Variants in CC2D1B observed in about 807,000 individuals in gnomAD.
The protein encoded by CC2D1B is coiled-coil and C2 domain containing 1B.
A neutral mutation model predicts 110.8 loss-of-function variants in CC2D1B; 92 were observed. That is an observed-to-expected ratio of 0.83 (90% CI 0.70 to 0.99). The LOEUF (loss-of-function observed/expected upper bound fraction) is 0.99. CC2D1B is among the 50% of genes least tolerant of loss of function. The pLI, the probability that CC2D1B is intolerant of heterozygous loss-of-function variation, is 0.00. For missense variants in CC2D1B, 1,136 were observed against 1,089.0 expected (o/e 1.04, Z -0.61); for synonymous variants, 406 against 429.2 (o/e 0.95, Z 0.67).
intron 16 of CC2D1B, 28 bp from the exon 17 acceptor site, chr1:52,356,470 C>G: frequency 6.2e-7 from 1 of 1,613,712 alleles, no homozygotes; most frequent in South Asian, 1.1e-5. Context: ...GAGTGACTCC[C>G]GAGCCCAGAG....
Position 52,361,129 on chromosome 1 carries a change from C to G in CC2D1B, c.322G>C (p.Glu108Gln), listed in dbSNP as rs1228616479. 1.7e-5 allele frequency: 28 copies of G among 1,613,946 alleles called. No homozygotes were observed. The highest frequency in any genetic ancestry group is 2.4e-5 in the Non-Finnish European group (28 of 1,179,988). The change falls in exon 5 of 25, where the codon GAG becomes CAG. Residue 108 changes from glutamate to glutamine, a missense_variant. Transcript: ENST00000284376. ...TCCACACCTAAGACCTCCTGCAGCT[C>G]CGTCTAGGGAGACAAAACACAGCCC... Reference protein sequence around the residue: ...GLEEDAELLTELQEVLGVDEE... With the variant: ...GLEEDAELLTQLQEVLGVDEE...
At position 52,351,909 on chromosome 1, in the gene CC2D1B, G is replaced by C. The variant is rs1234244635; in HGVS notation, c.*1316C>G. 1 of 149,446 alleles carries C rather than the reference G, an allele frequency of 6.7e-6. No individual in the cohort carries two copies. Among genetic ancestry groups the C allele is most frequent in the South Asian group, 2.1e-4 (1 of 4,714 alleles). The allele number at this position is 149,446 out of a possible 1,614,324, so 9.3% of individuals were successfully genotyped here. On this transcript the variant is annotated 3_prime_UTR_variant, in exon 25 of 25. Coordinates refer to ENST00000284376, the MANE Select transcript of CC2D1B (RefSeq NM_001330585.2). ...AAAAAAAAAAAAAAAAAAAAAATCG[G>C]CCAGAGGGCTCATGGGGAAAAAAGT... is the stretch of plus-strand genomic sequence containing the variant.
rs1569859196 is a variant in CC2D1B at position 52,360,315 on chromosome 1, CA to C, written c.604-83del. On this transcript the variant is annotated intron_variant, in intron 6 of 24. Coordinates refer to ENST00000284376, the MANE Select transcript of CC2D1B (RefSeq NM_001330585.2). The stretch of plus-strand genomic sequence containing the variant: ...CCAAGACAGGCCAGGGGTGGCCCCC[CA>C]ACCCCCAAAGTCTGGTGGGGTGACC... 2.6e-5 allele frequency: 42 copies of C among 1,596,256 alleles called. No individual in the cohort carries two copies. In the East Asian group the frequency reaches 9.4e-4, roughly 36 times the overall value.
rs756043826 is a variant in CC2D1B at position 52,358,464 on chromosome 1, G to C, written c.1331-3C>G. The C allele has an allele frequency of 1.4e-5, 23 of 1,613,394 alleles. No homozygotes were observed. The highest frequency in any genetic ancestry group is 1.9e-5 in the Non-Finnish European group (22 of 1,179,978). On this transcript the variant is annotated splice_polypyrimidine_tract_variant and splice_region_variant and intron_variant, in intron 12 of 24. Coordinates refer to ENST00000284376, the MANE Select transcript of CC2D1B (RefSeq NM_001330585.2). Reference sequence around the variant, plus strand: ...CAGGCCAGGGATGGGGGGAAATCCTGTGGGAGAGAGACAGCATGGGAGGGG... The same window carrying C: ...CAGGCCAGGGATGGGGGGAAATCCTCTGGGAGAGAGACAGCATGGGAGGGG...
intron 13 of CC2D1B, chr1:52,358,108 A>AG (rs1256383729): frequency 6.8e-6 from 6 of 878,844 alleles, no homozygotes; most frequent in Non-Finnish European, 8.4e-6. Context: ...GAGAGACTGC[A>AG]GGGTAATGGG....
At chr1:52,354,167 G>A (rs966599139) in intron 23 of CC2D1B, among the ~76,000 whole-genome samples, 1 of 152,180 alleles carries the variant, frequency 6.6e-6, no homozygotes, top group South Asian at 2.1e-4. Context: ...AGAGACCAGG[G>A]CCCGCATAAG....
At chr1:52,354,163 C>G (rs1229680502) in intron 23 of CC2D1B, among the ~76,000 whole-genome samples, 1 of 152,180 alleles carries the variant, frequency 6.6e-6, no homozygotes, top group African/African-American at 2.4e-5. Flanking sequence ...CAATAGAGAC[C>G]AGGGCCCGCA....
chr1:52,355,957 AGCTGGTAT>A, intron 18 of CC2D1B, 113 bp from the exon 19 acceptor site: 1 of 1,113,138 alleles, frequency 9.0e-7, no homozygotes, highest in Non-Finnish European at 1.4e-6. Context: ...GGGAAGGCAG[AGCTGGTAT>A]GCAGACCTTG....
Position 52,359,515 on chromosome 1 carries a change from T to A in CC2D1B, c.962A>T (p.Glu321Val). The change falls in exon 9 of 25, where the codon GAG becomes GTG. Residue 321 changes from glutamate (E) to valine (V), a missense_variant. Transcript: ENST00000284376. ...RIGKRFGAVL[E>V]ALEKGQPVDL... ...CACGGGCTGCCCCTTCTCCAGGGCCTCCAGGACAGCACCGAATCTCTGCAG... is the reference window on the plus strand; with the variant it reads ...CACGGGCTGCCCCTTCTCCAGGGCCACCAGGACAGCACCGAATCTCTGCAG... 11 of 1,614,022 alleles carry A rather than the reference T, an allele frequency of 6.8e-6. No homozygotes were observed. Among genetic ancestry groups the A allele is most frequent in the Non-Finnish European group, 9.3e-6 (11 of 1,180,012 alleles).
rs746082693 is a variant in CC2D1B, at chr1:52,359,373, T to A, written c.1019-16A>T. 1.6e-5 allele frequency: 26 copies of A among 1,612,078 alleles called. No individual in the cohort carries two copies. The highest frequency in any genetic ancestry group is 2.0e-5 in the Non-Finnish European group (24 of 1,178,750). On this transcript the variant is annotated splice_polypyrimidine_tract_variant and intron_variant, in intron 9 of 24. Transcript: ENST00000284376. ...GGCTTCAGATCTGGGGGACCCAGAG[T>A]AGAGGTGTAGGTGGGAGGGCCTGGC...
At position 52,355,331 on chromosome 1, in the gene CC2D1B, C is replaced by A. The variant is rs1003636744; in HGVS notation, c.2239+67G>T. The stretch of plus-strand genomic sequence containing the variant: ...AAGTAAGGGCATAGATGGGAACCCA[C>A]TCTGGAAACACCAGTGCTGCCCACA... On this transcript the variant is annotated intron_variant, in intron 21 of 24. Coordinates refer to ENST00000284376, the MANE Select transcript of CC2D1B (RefSeq NM_001330585.2). 13 of 1,545,874 alleles carry A rather than the reference C, an allele frequency of 8.4e-6. No individual in the cohort carries two copies. In the African/African-American group the frequency reaches 1.4e-4, roughly 16 times the overall value.
In CC2D1B at chr1:52,355,591, T is replaced by C; in HGVS notation, c.2187+17A>G. On this transcript the variant is annotated intron_variant, in intron 20 of 24. Coordinates refer to ENST00000284376, the MANE Select transcript of CC2D1B (RefSeq NM_001330585.2). ...CAAGGCGGGTTTCAGAGGATCCTAC[T>C]TCTACCTGAACCTCACCGAGTTAGG... The C allele has an allele frequency of 6.2e-7, 1 of 1,613,988 alleles. No homozygotes were observed. Among genetic ancestry groups the C allele is most frequent in the Non-Finnish European group, 8.5e-7 (1 of 1,179,850 alleles).
At chr1:52,363,055 G>C (rs1646815691) in intron 2 of CC2D1B, among the ~76,000 whole-genome samples, 1 of 152,208 alleles carries the variant, frequency 6.6e-6, no homozygotes, top group South Asian at 2.1e-4. Flanking sequence ...CGTTCTATGT[G>C]ATTATCTTAA....
In CC2D1B at chr1:52,359,552, G is replaced by T; in HGVS notation, c.943-18C>A. The T allele has an allele frequency of 6.2e-7, 1 of 1,612,464 alleles. No individual in the cohort carries two copies. Among genetic ancestry groups the T allele is most frequent in the African/African-American group, 1.3e-5 (1 of 75,056 alleles). On this transcript the variant is annotated intron_variant, in intron 8 of 24. Coordinates refer to ENST00000284376, the MANE Select transcript of CC2D1B (RefSeq NM_001330585.2). ...CCGAATCTCTGCAGAAGTTGGAAAA[G>T]CAGGTGTGGGTGAAAGACAGGGGAC...
intron 17 of CC2D1B, 34 bp from the exon 18 acceptor site, chr1:52,356,336 A>C (rs1277842196): frequency 1.2e-6 from 2 of 1,613,774 alleles, no homozygotes; most frequent in South Asian, 1.1e-5. Context: ...ATGATGGTGG[A>C]TTTTCTGCTC....
Position 52,355,858 on chromosome 1 carries a change from G to C in CC2D1B, c.2055-14C>G, listed in dbSNP as rs772075326. Reference sequence around the variant, plus strand: ...TCTGAGAAGATCCTAGAGCCAAGCGGGAAGGAGAAAATGCTCAAAAGTGAA... The same window carrying C: ...TCTGAGAAGATCCTAGAGCCAAGCGCGAAGGAGAAAATGCTCAAAAGTGAA... On this transcript the variant is annotated splice_polypyrimidine_tract_variant and intron_variant, in intron 18 of 24. Transcript: ENST00000284376. 6 of 1,613,848 alleles carry C rather than the reference G, an allele frequency of 3.7e-6. No individual in the cohort carries two copies. In the Admixed American group the frequency reaches 1.0e-4, roughly 27 times the overall value.
intron 18 of CC2D1B, 64 bp downstream of exon 18, chr1:52,356,122 G>A (rs1026019590): frequency 3.1e-5 from 43 of 1,404,178 alleles, no homozygotes; most frequent in Non-Finnish European, 4.1e-5. Flanking sequence ...AGCAGTCTCT[G>A]GCCTGGGCTC....
At position 52,362,705 on chromosome 1, in the gene CC2D1B, C is replaced by T. The variant is rs1646809063; in HGVS notation, c.111G>A (p.Leu37=). ...CATCATCTTCAGCCTCATCCATGCC[C>T]AGCAGCATGTCCTCAGGGCCAAACT... ...FMEFGPEDML[L]GMDEAEDDED... is the part of the protein sequence containing the mutation. Residue 37 remains leucine (L), a synonymous_variant, in exon 3 of 25, where the codon CTG becomes CTA. Transcript: ENST00000284376. The T allele has an allele frequency of 1.2e-6, 2 of 1,614,148 alleles. No homozygotes were observed. The highest frequency in any genetic ancestry group is 1.7e-6 in the Non-Finnish European group (2 of 1,180,028).
chr1:52,353,612 C>T lies in CC2D1B; in HGVS notation c.2466G>A (p.Leu822=). 1 of 1,611,744 alleles carries T rather than the reference C, an allele frequency of 6.2e-7. No homozygotes were observed. Among genetic ancestry groups the T allele is most frequent in the Non-Finnish European group, 8.5e-7 (1 of 1,178,850 alleles). Residue 822 remains leucine (L), a synonymous_variant, in exon 24 of 25, where the codon CTG becomes CTA. Transcript: ENST00000284376. The stretch of plus-strand genomic sequence containing the variant: ...GCTCCCGCAGCCTCACCTTCACCTC[C>T]AGCTTCCCCCCGGTGGGCTTCCTTC... ...LDGRKPTGGK[L]EVKVRLREPL... is the part of the protein sequence containing the mutation.
Sources: allele counts gnomAD v4.1 joint callset (sites outside exome capture counted in the v4.1 genomes callset), GRCh38; gene constraint gnomAD v4.1.1; transcripts MANE v1.5; gene names NCBI Gene and HGNC (gene_info 2026-07-23, HGNC 2026-07-21).